The following SLC7A5 variants were observed in gnomAD, a reference collection of about 807,000 sequenced individuals.
SLC7A5 encodes the protein large neutral amino acids transporter small subunit 1.
In SLC7A5, 23 loss-of-function variants were observed where a neutral mutation model predicts 50.2. That is an observed-to-expected ratio of 0.46 (90% CI 0.33 to 0.65). SLC7A5 has a LOEUF of 0.65. SLC7A5 is among the 30% of genes least tolerant of loss of function. The probability of loss-of-function intolerance (pLI) is 0.02; values close to 1 mark genes in which losing one functional copy is unlikely to be tolerated. For missense variants in SLC7A5, 578 were observed against 684.4 expected, an observed-to-expected ratio of 0.84 and a Z score of 1.73; for synonymous variants, 393 against 330.6, an observed-to-expected ratio of 1.19 and a Z score of -2.05.
At position 87,848,964 on chromosome 16, in the gene SLC7A5, C is replaced by G. The variant is rs111850398; in HGVS notation, c.664+2760G>C. Among the ~76,000 whole-genome samples, 522 of 152,332 alleles carry G rather than the reference C, an allele frequency of 3.4e-3. 3 individuals carry two copies. The highest frequency in any genetic ancestry group is 0.012 in the African/African-American group (506 of 41,562). ...CTAGGGCCAGTGCCTTTCCATAGCA[C>G]AGGGCCCACCTGGGGGCCAAGGGCA... On this transcript the variant is annotated intron_variant, in intron 2 of 9. Coordinates refer to ENST00000261622, the MANE Select transcript of SLC7A5 (RefSeq NM_003486.7).
In SLC7A5 at chr16:87,832,859, T is replaced by G; in HGVS notation, c.*111A>C. 1.2e-6 allele frequency: 1 copy of G among 869,208 alleles called. No homozygotes were observed. The highest frequency in any genetic ancestry group is 1.7e-5 in the Admixed American group (1 of 58,432). The allele number at this position is 869,208 out of a possible 1,614,324, so 53.8% of individuals were successfully genotyped here. On this transcript the variant is annotated 3_prime_UTR_variant, in exon 10 of 10. Transcript: ENST00000261622. The surrounding 1 kb of genome is among the most constrained non-coding windows in gnomAD (Gnocchi z 4.6). Reference sequence around the variant, plus strand: ...CGACCTGGGAGGGACGGCGAGGGACTGGGATGGGCAGCTGAGCTGTGGGTT... The same window carrying G: ...CGACCTGGGAGGGACGGCGAGGGACGGGGATGGGCAGCTGAGCTGTGGGTT...
intron 2 of SLC7A5, among the ~76,000 whole-genome samples, chr16:87,851,382 C>T (rs868419019): frequency 6.6e-5 from 10 of 152,216 alleles, no homozygotes; most frequent in Non-Finnish European, 1.0e-4. Context: ...GCATGGCAGG[C>T]ATAGCCCCTG....
intron 5 of SLC7A5, 151 bp downstream of exon 5, chr16:87,839,551 C>T (rs1253261224): frequency 2.8e-6 from 3 of 1,085,760 alleles, no homozygotes; most frequent in Non-Finnish European, 4.1e-6. Context: ...GAGACCACCA[C>T]TCCACCCCTC....
intron 2 of SLC7A5, among the ~76,000 whole-genome samples, chr16:87,842,479 G>A (rs138593908): frequency 3.3e-5 from 5 of 152,238 alleles, no homozygotes; most frequent in Admixed American, 6.5e-5. Flanking sequence ...AACAAAGTGC[G>A]CACTTCAAAG....
At chr16:87,865,182 C>A (rs1305344409) in intron 1 of SLC7A5, among the ~76,000 whole-genome samples, 2 of 151,928 alleles carry the variant, frequency 1.3e-5, no homozygotes, top group Non-Finnish European at 2.9e-5. Flanking sequence ...CTTTCTGTTA[C>A]TGAAAATCAC....
chr16:87,844,662 G>A (rs11117306), intron 2 of SLC7A5, among the ~76,000 whole-genome samples: 10,185 of 152,310 alleles, frequency 0.067, 446 homozygotes, highest in South Asian at 0.15. Flanking sequence ...GGGGAACATG[G>A]GAATGTGGAG....
At position 87,862,135 on chromosome 16, in the gene SLC7A5, G is replaced by A. The variant is rs529477672; in HGVS notation, c.538+6750C>T. Among the ~76,000 whole-genome samples, 2 of 152,252 alleles carry A rather than the reference G, an allele frequency of 1.3e-5. No individual in the cohort carries two copies. The highest frequency in any genetic ancestry group is 4.1e-4 in the South Asian group (2 of 4,824). The stretch of plus-strand genomic sequence containing the variant: ...TGAGAAGTGGGGCTACAGGCTACAG[G>A]TGCTTGATACCCCAGGGGGGCCCTG... On this transcript the variant is annotated intron_variant, in intron 1 of 9. Coordinates refer to ENST00000261622, the MANE Select transcript of SLC7A5 (RefSeq NM_003486.7). The surrounding 1 kb of genome is among the most constrained non-coding windows in gnomAD (Gnocchi z 5.3).
At chr16:87,851,975 C>A (rs2055231901) in intron 1 of SLC7A5, 126 bp from the exon 2 acceptor site, 2 of 1,096,048 alleles carry the variant, frequency 1.8e-6, no homozygotes, top group South Asian at 1.3e-5. Flanking sequence ...GCTCCTTAAA[C>A]AGCTCCAGTC....
chr16:87,856,396 C>T (rs542283348), intron 1 of SLC7A5, among the ~76,000 whole-genome samples: 25 of 152,310 alleles, frequency 1.6e-4, no homozygotes, highest in South Asian at 4.1e-4. Flanking sequence ...TCATCAGTTC[C>T]AGGAAGCCCA....
intron 1 of SLC7A5, among the ~76,000 whole-genome samples, chr16:87,857,225 A>ATTT (rs57435838): frequency 6.8e-6 from 1 of 147,200 alleles, no homozygotes. Context: ...CAGCGTTCAC[A>ATTT]TTTTTTTTTT....
In SLC7A5 at chr16:87,852,158, G is replaced by C. The variant is rs2055235457; in HGVS notation, c.539-309C>G. Among the ~76,000 whole-genome samples the C allele has an allele frequency of 6.6e-6, 1 of 152,166 alleles. No individual in the cohort carries two copies. Among genetic ancestry groups the C allele is most frequent in the Non-Finnish European group, 1.5e-5 (1 of 68,014 alleles). ...GTCCCACCTGTAGTCAGGACTTCAA[G>C]TGGGGTCACTGCCTCCAGAGACCCA... is the stretch of plus-strand genomic sequence containing the variant. On this transcript the variant is annotated intron_variant, in intron 1 of 9. Transcript: ENST00000261622. The surrounding 1 kb of genome is among the most constrained non-coding windows in gnomAD (Gnocchi z 4.5).
At chr16:87,868,797 G>C in intron 1 of SLC7A5, 88 bp downstream of exon 1, 1 of 1,322,322 alleles carries the variant, frequency 7.6e-7, no homozygotes, top group Non-Finnish European at 1.1e-6. Flanking sequence ...AAGATGTAGA[G>C]ATGTGGGAGC....
In SLC7A5 at chr16:87,869,406, G is replaced by A. The variant is rs33983951; in HGVS notation, c.17C>T (p.Pro6Leu). 8.6e-4 allele frequency: 1,294 copies of A among 1,501,850 alleles called. 9 individuals are homozygous for A. The African/African-American group carries it at 0.015, about 17-fold the overall frequency. 93.0% of individuals were successfully genotyped at this position (1,501,850 alleles called of 1,614,324 possible). A position where few individuals can be genotyped will look rare whatever the true frequency, so the allele number is the denominator to read the frequency against. ...CGGCGCCGCTAGCGCGCGCCGCTTC[G>A]GGCCCGCACCCGCCATGCTCTGCGC... is the stretch of plus-strand genomic sequence containing the variant. MAGAG[P>L]KRRALAAPAA... The change falls in exon 1 of 10, where the codon CCG (proline) becomes CTG (leucine). Residue 6 changes from proline to leucine, a missense_variant. Pro to Leu is a moderately conservative substitution (Grantham distance 98). This residue lies in a region of SLC7A5 where 113 missense variants were observed against 89.8 expected (regional missense o/e 1.26). Transcript: ENST00000261622.
At position 87,860,994 on chromosome 16, in the gene SLC7A5, A is replaced by G. The variant is rs1222866728; in HGVS notation, c.538+7891T>C. On this transcript the variant is annotated intron_variant, in intron 1 of 9. Transcript: ENST00000261622. This position sits in a 1 kb window ranked among gnomAD's most constrained non-coding sequence, Gnocchi z 4.8. ...AGGGAGAATTCAGGATTCGGCCAGT[A>G]TCAGGGAAGGAGACGCTGTGGGGGG... Among the ~76,000 whole-genome samples, 1 of 152,216 alleles carries G rather than the reference A, an allele frequency of 6.6e-6. No homozygotes were observed. The highest frequency in any genetic ancestry group is 1.5e-5 in the Non-Finnish European group (1 of 68,030).
Position 87,861,860 on chromosome 16 carries a change from C to T in SLC7A5, c.538+7025G>A, listed in dbSNP as rs775407034. 6.6e-5 allele frequency among the ~76,000 whole-genome samples: 10 copies of T among 152,372 alleles called. No individual in the cohort carries two copies. The highest frequency in any genetic ancestry group is 1.2e-4 in the Non-Finnish European group (8 of 68,038). Reference sequence around the variant, plus strand: ...CCCCCTACGGCCTTGCCCCGAATCCCGTGATGCAGCGTGACCTGCCTAGGT... The same window carrying T: ...CCCCCTACGGCCTTGCCCCGAATCCTGTGATGCAGCGTGACCTGCCTAGGT... On this transcript the variant is annotated intron_variant, in intron 1 of 9. Coordinates refer to ENST00000261622, the MANE Select transcript of SLC7A5 (RefSeq NM_003486.7). The surrounding 1 kb of genome is among the most constrained non-coding windows in gnomAD (Gnocchi z 4.2).
intron 2 of SLC7A5, among the ~76,000 whole-genome samples, chr16:87,850,189 T>C (rs1178124821): frequency 6.6e-6 from 1 of 152,162 alleles, no homozygotes; most frequent in Non-Finnish European, 1.5e-5. Flanking sequence ...CAGCTAAAGC[T>C]GCGTGCTGGG....
At chr16:87,867,471 G>C (rs926114460) in intron 1 of SLC7A5, among the ~76,000 whole-genome samples, 3 of 152,102 alleles carry the variant, frequency 2.0e-5, no homozygotes, top group Non-Finnish European at 1.5e-5. Flanking sequence ...GCGGCTGCTC[G>C]ACTCAGAGCC....
At chr16:87,840,820 G>A (rs58669955) in intron 3 of SLC7A5, among the ~76,000 whole-genome samples, 9,739 of 152,204 alleles carry the variant, frequency 0.064, 407 homozygotes, top group South Asian at 0.15. Context: ...AGACTGCGAC[G>A]TGGAGCTAGA....
rs1161420464 is a variant in SLC7A5 at position 87,861,437 on chromosome 16, T to G, written c.538+7448A>C. On this transcript the variant is annotated intron_variant, in intron 1 of 9. Transcript: ENST00000261622. The surrounding 1 kb of genome is among the most constrained non-coding windows in gnomAD (Gnocchi z 4.2). ...TGGCTTTGTGCTCCCCTATGCCTGA[T>G]GACAAATGGTGGCCTCAGTGTAGAG... Among the ~76,000 whole-genome samples, 2 of 152,172 alleles carry G rather than the reference T, an allele frequency of 1.3e-5. No individual in the cohort carries two copies. The highest frequency in any genetic ancestry group is 2.9e-5 in the Non-Finnish European group (2 of 68,018).
Sources: gnomAD v4.1 joint callset for allele counts (sites outside exome capture counted in the v4.1 genomes callset) on GRCh38, gnomAD v4.1.1 for gene constraint, gnomAD v4.1.1 regional missense constraint, Gnocchi (gnomAD v3.1) non-coding constraint, MANE v1.5 for transcripts, NCBI Gene and HGNC (gene_info 2026-07-23, HGNC 2026-07-21) for gene names.